Variants in TPH2 observed in about 807,000 individuals in gnomAD.
TPH2 encodes tryptophan hydroxylase 2, also known as tryptophan 5-hydroxylase 2.
A neutral mutation model predicts 59.1 loss-of-function variants in TPH2; 27 were observed. That is an observed-to-expected ratio of 0.46 (90% CI 0.34 to 0.63). TPH2 has a LOEUF of 0.63. TPH2 is among the 30% of genes least tolerant of loss of function. TPH2 has a pLI of 0.01. For missense variants in TPH2, 523 were observed against 588.3 expected (o/e 0.89, Z 1.15); for synonymous variants, 220 against 210.5 (o/e 1.05, Z -0.39).
At chr12:72,015,615 G>A (rs906446098) in intron 8 of TPH2, among the ~76,000 whole-genome samples, 4 of 152,186 alleles carry the variant, frequency 2.6e-5, no homozygotes, top group African/African-American at 9.6e-5. Flanking sequence ...CACCGCGCCC[G>A]GCTTTATGTG....
At chr12:72,024,537 T>A (rs1253836960) in intron 9 of TPH2, among the ~76,000 whole-genome samples, 2 of 152,240 alleles carry the variant, frequency 1.3e-5, no homozygotes, top group Non-Finnish European at 2.9e-5. Context: ...ATATCCCCAA[T>A]AAGGGCATGC....
intron 7 of TPH2, among the ~76,000 whole-genome samples, chr12:71,986,630 C>CTTTTTTTTT (rs36018735): frequency 7.6e-6 from 1 of 131,392 alleles, no homozygotes; most frequent in Non-Finnish European, 1.6e-5. Flanking sequence ...AGCCACCCTT[C>CTTTTTTTTT]TTTTTTTTTT....
chr12:71,948,798 AATTG>A (rs1389253752), intron 4 of TPH2, among the ~76,000 whole-genome samples: 1 of 152,208 alleles, frequency 6.6e-6, no homozygotes, highest in Non-Finnish European at 1.5e-5. Context: ...CCCTGGAAAG[AATTG>A]ATTGTCTGAA....
intron 1 of TPH2, among the ~76,000 whole-genome samples, chr12:71,939,553 C>T (rs1418176122): frequency 6.6e-6 from 1 of 152,096 alleles, no homozygotes; most frequent in African/African-American, 2.4e-5. Context: ...GGTCTTTAAA[C>T]ATAGAACTAT....
At chr12:72,030,798 G>A (rs963466170) in intron 9 of TPH2, among the ~76,000 whole-genome samples, 5 of 152,032 alleles carry the variant, frequency 3.3e-5, no homozygotes, top group African/African-American at 1.2e-4. Flanking sequence ...TAGACAAATA[G>A]TTTAGTCAGA....
chr12:71,977,728 T>C (rs529449089), intron 6 of TPH2, among the ~76,000 whole-genome samples: 1 of 152,306 alleles, frequency 6.6e-6, no homozygotes, highest in African/African-American at 2.4e-5. Context: ...AAGTCGCAAT[T>C]TTCAAGAACC....
Position 71,944,389 on chromosome 12 carries a change from A to G in TPH2, c.351A>G (p.Thr117=). ...EIFVDCECGK[T]EFNELIQLLK... ...TTGTGGACTGTGAGTGTGGGAAAAC[A>G]GAATTCAATGAGCTCATTCAGTTGC... is the stretch of plus-strand genomic sequence containing the variant. The change falls in exon 3 of 11, where the codon ACA becomes ACG. Residue 117 remains threonine (T), a synonymous_variant. Transcript: ENST00000333850. 6.2e-7 allele frequency: 1 copy of G among 1,613,996 alleles called. No homozygotes were observed. Among genetic ancestry groups the G allele is most frequent in the Non-Finnish European group, 8.5e-7 (1 of 1,179,882 alleles).
At chr12:71,974,510 CT>C (rs1338484905) in intron 6 of TPH2, among the ~76,000 whole-genome samples, 1 of 141,932 alleles carries the variant, frequency 7.0e-6, no homozygotes, top group Admixed American at 7.4e-5. Context: ...GACTCTGACC[CT>C]TCTGCCTCCC....
chr12:71,997,025 G>T (rs1339759351), intron 8 of TPH2, among the ~76,000 whole-genome samples: 1 of 152,196 alleles, frequency 6.6e-6, no homozygotes, highest in Non-Finnish European at 1.5e-5. Context: ...AGGGAATAGA[G>T]GAATAGTTTT....
At chr12:71,973,286 G>T (rs1566133116) in intron 6 of TPH2, among the ~76,000 whole-genome samples, 1 of 152,062 alleles carries the variant, frequency 6.6e-6, no homozygotes, top group Non-Finnish European at 1.5e-5. Context: ...CAAGATACAG[G>T]TCATAAAGAC....
chr12:72,022,836 TC>T (rs1873460337), intron 9 of TPH2, among the ~76,000 whole-genome samples: 1 of 152,208 alleles, frequency 6.6e-6, no homozygotes, highest in African/African-American at 2.4e-5. Context: ...TGACTGAAAT[TC>T]ACTTGCGAAT....
At chr12:72,027,033 C>T (rs1469766974) in intron 9 of TPH2, among the ~76,000 whole-genome samples, 1 of 151,368 alleles carries the variant, frequency 6.6e-6, no homozygotes, top group Non-Finnish European at 1.5e-5. Flanking sequence ...CCAAACTATT[C>T]ACAAACCTGA....
At chr12:71,987,011 A>G (rs542066168) in intron 7 of TPH2, among the ~76,000 whole-genome samples, 225 of 152,304 alleles carry the variant, frequency 1.5e-3, no homozygotes, top group Non-Finnish European at 1.9e-3. Context: ...ACCACAAGAG[A>G]GAAGGAAAGA....
At chr12:71,944,539 A>G in intron 3 of TPH2, 47 bp from the exon 4 acceptor site, 1 of 1,613,754 alleles carries the variant, frequency 6.2e-7, no homozygotes, top group Non-Finnish European at 8.5e-7. Flanking sequence ...AAAGGGGAAA[A>G]CACAATCTGT....
intron 7 of TPH2, among the ~76,000 whole-genome samples, chr12:71,992,199 G>A (rs1241002431): frequency 2.0e-5 from 3 of 152,184 alleles, no homozygotes; most frequent in Non-Finnish European, 4.4e-5. Context: ...GTACGCCCCA[G>A]CCCCTTTCTT....
In TPH2 at chr12:71,938,953, C is replaced by T. The variant is rs201345752; in HGVS notation, c.-34C>T. The T allele has an allele frequency of 1.7e-5, 26 of 1,569,806 alleles. No individual in the cohort carries two copies. In the South Asian group the frequency reaches 2.1e-4, roughly 13 times the overall value. On this transcript the variant is annotated 5_prime_UTR_variant, in exon 1 of 11. Coordinates refer to ENST00000333850, the MANE Select transcript of TPH2 (RefSeq NM_173353.4). Reference sequence around the variant, plus strand: ...CGCTGCTACTGCCCCTCTAGTACCCCCTGCTGCAGAGAAAGAATATTACAC... The same window carrying T: ...CGCTGCTACTGCCCCTCTAGTACCCTCTGCTGCAGAGAAAGAATATTACAC...
chr12:71,939,092 G>A lies in TPH2; in HGVS notation c.105+1G>A. 1 of 1,611,342 alleles carries A rather than the reference G, an allele frequency of 6.2e-7. No individual in the cohort carries two copies. The highest frequency in any genetic ancestry group is 8.5e-7 in the Non-Finnish European group (1 of 1,177,802). ...GCATCAGCTACTTGGCAGCTCAACA[G>A]TGAGTACTACGTACCTGGCACTATG... On this transcript the variant is annotated splice_donor_variant, in intron 1 of 10. Coordinates refer to ENST00000333850, the MANE Select transcript of TPH2 (RefSeq NM_173353.4). LOFTEE classifies it high-confidence loss of function.
chr12:72,023,778 C>T (rs11179060), intron 9 of TPH2, among the ~76,000 whole-genome samples: 10,843 of 140,452 alleles, frequency 0.077, 549 homozygotes, highest in Non-Finnish European at 0.11. Flanking sequence ...GAGCCGAGAT[C>T]GCGCCACTGC....
chr12:71,968,999 C>T (rs1001478291), intron 5 of TPH2, among the ~76,000 whole-genome samples: 9 of 152,174 alleles, frequency 5.9e-5, no homozygotes, highest in Non-Finnish European at 1.5e-5. Context: ...AGATGCATAA[C>T]GGGCCGGAAG....
Sources: allele counts gnomAD v4.1 joint callset (sites outside exome capture counted in the v4.1 genomes callset), GRCh38; gene constraint gnomAD v4.1.1; transcripts MANE v1.5; gene names NCBI Gene and HGNC (gene_info 2026-07-23, HGNC 2026-07-21).